The following CALN1 variants were observed in gnomAD, a reference collection of about 807,000 sequenced individuals.
CALN1 encodes calcium-binding protein 8.
Under a neutral mutation model 30.6 loss-of-function variants are expected in CALN1, and 17 were observed. The ratio of observed to expected loss-of-function variants is 0.56; its 90% CI spans 0.38 to 0.83. The LOEUF (loss-of-function observed/expected upper bound fraction) is 0.83, where lower values mean the gene tolerates loss of function less well. Ranked by LOEUF, CALN1 falls within the 40% of genes least tolerant of loss-of-function variation. The pLI is 0.00. For missense variants in CALN1, 291 were observed against 354.9 expected (o/e 0.82, Z 1.45); for synonymous variants, 156 against 131.4 (o/e 1.19, Z -1.28).
chr7:72,190,320 C>T (rs201945635), intron 3 of CALN1, among the ~76,000 whole-genome samples: 1 of 152,172 alleles, frequency 6.6e-6, no homozygotes, highest in African/African-American at 2.4e-5. Context: ...CGCTGCACTC[C>T]AGCCTGGGTG....
At chr7:71,850,218 T>C (rs1313436017) in intron 5 of CALN1, among the ~76,000 whole-genome samples, 1 of 152,126 alleles carries the variant, frequency 6.6e-6, no homozygotes. Flanking sequence ...ACTGTTTTTG[T>C]TGTTGTTTTT....
chr7:72,358,929 G>A (rs1803399395), intron 2 of CALN1, among the ~76,000 whole-genome samples: 1 of 150,520 alleles, frequency 6.6e-6, no homozygotes, highest in Non-Finnish European at 1.5e-5. Context: ...CTGCACTCCA[G>A]CTCCAGCCTG....
intron 5 of CALN1, among the ~76,000 whole-genome samples, chr7:71,838,122 G>C (rs1174968192): frequency 6.6e-6 from 1 of 152,078 alleles, no homozygotes; most frequent in African/African-American, 2.4e-5. Context: ...TTGTTCTGCG[G>C]AAAAGAGTTC....
chr7:72,403,083 T>C (rs996328365), intron 2 of CALN1, among the ~76,000 whole-genome samples, 168 bp downstream of exon 2: 12 of 152,140 alleles, frequency 7.9e-5, no homozygotes, highest in Admixed American at 5.2e-4. Context: ...AGAAAGGGGA[T>C]AGAATCTCTG....
At chr7:72,363,346 C>A (rs1585583635) in intron 2 of CALN1, among the ~76,000 whole-genome samples, 1 of 151,912 alleles carries the variant, frequency 6.6e-6, no homozygotes, top group Admixed American at 6.5e-5. Context: ...TCAATCGATT[C>A]TCCGGCCTCA....
At chr7:72,461,132 G>A in the CALN1 span, among the ~76,000 whole-genome samples, 1 of 152,136 alleles carries the variant, frequency 6.6e-6, no homozygotes, top group Non-Finnish European at 1.5e-5. Flanking sequence ...GCATGAACCG[G>A]ACCCACGAAG....
chr7:72,267,647 G>C (rs1215448475), intron 3 of CALN1, among the ~76,000 whole-genome samples: 1 of 152,192 alleles, frequency 6.6e-6, no homozygotes, highest in African/African-American at 2.4e-5. Flanking sequence ...AGCAGATGCT[G>C]GTTATGTAAC....
chr7:71,846,101 G>C (rs1437431601), intron 5 of CALN1, among the ~76,000 whole-genome samples: 1 of 152,106 alleles, frequency 6.6e-6, no homozygotes, highest in Non-Finnish European at 1.5e-5. Flanking sequence ...ATCGTCTTCT[G>C]CCCACTTTGC....
At chr7:72,107,153 T>C (rs1458303762) in intron 3 of CALN1, among the ~76,000 whole-genome samples, 5 of 152,084 alleles carry the variant, frequency 3.3e-5, no homozygotes, top group Admixed American at 6.6e-5. Context: ...AAGGACACTT[T>C]CTGAGCAAAG....
chr7:71,804,935 A>G lies in CALN1; in HGVS notation c.658+5401T>C, dbSNP rs558053786. Among the ~76,000 whole-genome samples, 354 of 152,310 alleles carry G rather than the reference A, an allele frequency of 2.3e-3. 3 individuals carry two copies. Among genetic ancestry groups the G allele is most frequent in the Middle Eastern group, 6.8e-3 (2 of 294 alleles). The stretch of plus-strand genomic sequence containing the variant: ...CAAGACCATGCCATTGCACTGGGCA[A>G]CAAGAGCAAAACTCCATATAAAAAA... On this transcript the variant is annotated intron_variant, in intron 6 of 6. Transcript: ENST00000395275.
At chr7:72,386,212 C>T (rs865889251) in intron 2 of CALN1, among the ~76,000 whole-genome samples, 2 of 152,038 alleles carry the variant, frequency 1.3e-5, no homozygotes, top group Admixed American at 6.6e-5. Flanking sequence ...AACTTTGGCA[C>T]AAAGAATGAA....
At chr7:71,816,746 G>A (rs905330978) in intron 5 of CALN1, among the ~76,000 whole-genome samples, 3 of 152,162 alleles carry the variant, frequency 2.0e-5, no homozygotes, top group African/African-American at 4.8e-5. Flanking sequence ...TCAGGAGTTC[G>A]ATCACGAGGT....
At chr7:72,045,929 G>A (rs947827049) in intron 4 of CALN1, among the ~76,000 whole-genome samples, 3 of 149,574 alleles carry the variant, frequency 2.0e-5, no homozygotes, top group Non-Finnish European at 2.9e-5. Flanking sequence ...AACCTGGGAG[G>A]CAGAGGTTGC....
At chr7:72,151,871 C>G (rs949173464) in intron 3 of CALN1, among the ~76,000 whole-genome samples, 1 of 151,380 alleles carries the variant, frequency 6.6e-6, no homozygotes, top group Admixed American at 6.6e-5. Flanking sequence ...ATCACCACAC[C>G]TGGCTATTTT....
At chr7:71,965,690 T>G (rs1032108195) in intron 5 of CALN1, among the ~76,000 whole-genome samples, 1 of 152,008 alleles carries the variant, frequency 6.6e-6, no homozygotes, top group Non-Finnish European at 1.5e-5. Flanking sequence ...ATATGGTATA[T>G]GCACAACCAA....
chr7:72,412,387 C>A (rs1807247367), upstream of CALN1: 1 of 152,102 alleles, frequency 6.6e-6, no homozygotes, highest in African/African-American at 2.4e-5. Flanking sequence ...CAGCCCTGCC[C>A]ATGTCCTGCT....
intron 2 of CALN1, among the ~76,000 whole-genome samples, chr7:72,372,989 T>A (rs1359684179): frequency 2.0e-5 from 3 of 151,888 alleles, no homozygotes; most frequent in African/African-American, 4.8e-5. Flanking sequence ...CATAAAATGC[T>A]CCAAAAAGCA....
At chr7:72,096,201 T>C (rs1439957332) in intron 4 of CALN1, among the ~76,000 whole-genome samples, 1 of 152,198 alleles carries the variant, frequency 6.6e-6, no homozygotes, top group Non-Finnish European at 1.5e-5. Context: ...TGCCTGTCCC[T>C]GGACCACACA....
intron 2 of CALN1, among the ~76,000 whole-genome samples, chr7:72,326,317 T>C (rs555500871): frequency 2.0e-5 from 3 of 152,350 alleles, no homozygotes; most frequent in East Asian, 1.9e-4. Flanking sequence ...GTGGGTTACA[T>C]ACCTCTGGGT....
Sources: gnomAD v4.1 joint callset for allele counts (sites outside exome capture counted in the v4.1 genomes callset) on GRCh38, gnomAD v4.1.1 for gene constraint, MANE v1.5 for transcripts, NCBI Gene and HGNC (gene_info 2026-07-23, HGNC 2026-07-21) for gene names.